The following TRAPPC10 variants were observed in gnomAD, a reference collection of about 807,000 sequenced individuals.
TRAPPC10 encodes the protein TRAPP 130 kDa subunit.
A neutral mutation model predicts 125.5 loss-of-function variants in TRAPPC10; 23 were observed. The ratio of observed to expected loss-of-function variants is 0.18; its 90% confidence interval spans 0.13 to 0.26. The LOEUF (loss-of-function observed/expected upper bound fraction) is 0.26. Ranked by LOEUF, TRAPPC10 falls within the 10% of genes least tolerant of loss-of-function variation. The pLI is 1.00. For missense variants in TRAPPC10, 1,123 were observed against 1,308.4 expected (o/e 0.86, Z 2.19); for synonymous variants, 509 against 518.0 (o/e 0.98, Z 0.24).
intron 3 of TRAPPC10, among the ~76,000 whole-genome samples, chr21:44,041,953 T>G (rs2034453792): frequency 6.6e-6 from 1 of 152,102 alleles, no homozygotes; most frequent in Non-Finnish European, 1.5e-5. Context: ...CTCAAACTCC[T>G]GACATCAGGC....
At chr21:44,093,931 C>T (rs979932896) in intron 19 of TRAPPC10, 132 bp from the exon 20 acceptor site, 20 of 886,352 alleles carry the variant, frequency 2.3e-5, no homozygotes, top group East Asian at 7.6e-5. Flanking sequence ...CATGCATAGG[C>T]GTGCTGTGAG....
Position 44,084,139 on chromosome 21 carries a change from G to C in TRAPPC10, c.2256G>C (p.Thr752=), listed in dbSNP as rs753808393. 1.2e-6 allele frequency: 2 copies of C among 1,614,186 alleles called. No homozygotes were observed. The highest frequency in any genetic ancestry group is 1.7e-6 in the Non-Finnish European group (2 of 1,180,038). The change falls in exon 15 of 23, where the codon ACG becomes ACC. Residue 752 remains threonine, a synonymous_variant. Coordinates refer to ENST00000291574, the MANE Select transcript of TRAPPC10 (RefSeq NM_003274.5). ...TFRTQAKEPG[T]YTLRQLCASV... is the part of the protein sequence containing the mutation. ...GACTCTAGGCCAAGGAACCTGGAACGTATACACTCAGGCAGCTGTGCGCCT... is the reference window on the plus strand; with the variant it reads ...GACTCTAGGCCAAGGAACCTGGAACCTATACACTCAGGCAGCTGTGCGCCT...
At chr21:44,032,569 GAC>G (rs1158617783) in intron 2 of TRAPPC10, among the ~76,000 whole-genome samples, 1 of 152,020 alleles carries the variant, frequency 6.6e-6, no homozygotes, top group African/African-American at 2.4e-5. Flanking sequence ...TTTTAGTAGA[GAC>G]AGGTTTTGCC....
rs1263683782 is a variant in TRAPPC10 at position 44,037,343 on chromosome 21, A to G, written c.150-449A>G. 8.5e-5 allele frequency among the ~76,000 whole-genome samples: 13 copies of G among 152,368 alleles called. No homozygotes were observed. In the East Asian group the frequency reaches 1.9e-3, roughly 23 times the overall value. ...ACAAAAATATGTTATATTTTCGCCA[A>G]ATAACTTTGTTTCTTGGATAAAATA... On this transcript the variant is annotated intron_variant, in intron 2 of 22. Transcript: ENST00000291574.
intron 2 of TRAPPC10, among the ~76,000 whole-genome samples, chr21:44,035,567 T>C (rs754366076): frequency 2.0e-5 from 3 of 152,028 alleles, no homozygotes; most frequent in African/African-American, 7.2e-5. Flanking sequence ...GGCGGGTAGA[T>C]TGGAGTTTAA....
At chr21:44,019,907 T>G (rs2032306802) in intron 1 of TRAPPC10, among the ~76,000 whole-genome samples, 1 of 152,248 alleles carries the variant, frequency 6.6e-6, no homozygotes, top group South Asian at 2.1e-4. Context: ...TCTTGACATT[T>G]GGGCTTCTGG....
rs564292791 is a variant in TRAPPC10 at position 44,016,278 on chromosome 21, TG to T, written c.67+3721del. Among the ~76,000 whole-genome samples the T allele has an allele frequency of 4.6e-3, 701 of 152,344 alleles. 4 individuals carry two copies. Among genetic ancestry groups the T allele is most frequent in the Non-Finnish European group, 6.2e-3 (420 of 68,030 alleles). ...TCAGTTTTCTGTTTTGAAATAGACT[TG>T]GGTTTCTGTTCCAAGGGTGTATTAG... is the stretch of plus-strand genomic sequence containing the variant. On this transcript the variant is annotated intron_variant, in intron 1 of 22. Transcript: ENST00000291574.
rs533495254 is a variant in TRAPPC10, at chr21:44,062,918, A to G, written c.791-620A>G. 4.8e-6 allele frequency: 6 copies of G among 1,249,974 alleles called. No individual in the cohort carries two copies. The Admixed American group carries it at 1.2e-4, about 25-fold the overall frequency. The allele number at this position is 1,249,974 out of a possible 1,614,324, so 77.4% of individuals were successfully genotyped here. On this transcript the variant is annotated intron_variant, in intron 6 of 22. Coordinates refer to ENST00000291574, the MANE Select transcript of TRAPPC10 (RefSeq NM_003274.5). ...GATGGACTTGTTATTATACATTGTT[A>G]TGCTTATTTTAAGATCATATTTGAG...
intron 14 of TRAPPC10, 97 bp from the exon 15 acceptor site, chr21:44,084,025 T>G: frequency 1.4e-6 from 2 of 1,436,482 alleles, no homozygotes; most frequent in Admixed American, 3.8e-5. Context: ...GTACAGGCCT[T>G]TCTGGAGTTC....
chr21:44,079,378 A>G (rs1410353945), intron 11 of TRAPPC10, 186 bp from the exon 12 acceptor site: 3 of 554,938 alleles, frequency 5.4e-6, no homozygotes, highest in Non-Finnish European at 6.1e-6. Flanking sequence ...CTGGGAGTCT[A>G]ATTATGTCGT....
chr21:44,063,465 C>T lies in TRAPPC10; in HGVS notation c.791-73C>T, dbSNP rs558704746. On this transcript the variant is annotated intron_variant, in intron 6 of 22. Coordinates refer to ENST00000291574, the MANE Select transcript of TRAPPC10 (RefSeq NM_003274.5). This position sits in a 1 kb window ranked among gnomAD's most constrained non-coding sequence, Gnocchi z 4.4. The stretch of plus-strand genomic sequence containing the variant: ...TGAAGCTGCCTGTTTGCCCACCATC[C>T]TCAGCCTGAGCAGGAAGCTCAGGAA... 8.3e-6 allele frequency: 13 copies of T among 1,569,724 alleles called. No homozygotes were observed. The South Asian group carries it at 1.2e-4, about 15-fold the overall frequency.
In TRAPPC10 at chr21:44,088,045, C is replaced by T. The variant is rs920013265; in HGVS notation, c.2769+117C>T. ...CCTGGCTCCTTCTGATTCCCGATGC[C>T]CTGGGCATGTGTTTAGCAGTTCTGT... On this transcript the variant is annotated intron_variant, in intron 17 of 22. Transcript: ENST00000291574. 4.6e-5 allele frequency: 40 copies of T among 868,332 alleles called. No homozygotes were observed. In the South Asian group the frequency reaches 5.8e-4, roughly 13 times the overall value. The allele number at this position is 868,332 out of a possible 1,614,324, so 53.8% of individuals were successfully genotyped here. A position where few individuals can be genotyped will look rare whatever the true frequency, so the allele number is the denominator to read the frequency against.
chr21:44,015,388 A>G (rs2031704601), intron 1 of TRAPPC10, among the ~76,000 whole-genome samples: 1 of 152,148 alleles, frequency 6.6e-6, no homozygotes, highest in Non-Finnish European at 1.5e-5. Flanking sequence ...TTATTACTTT[A>G]AAACCTAGCT....
At chr21:44,089,510 C>G (rs753065736) in intron 17 of TRAPPC10, 1 of 485,044 alleles carries the variant, frequency 2.1e-6, no homozygotes, top group Non-Finnish European at 4.1e-6. Flanking sequence ...CATGGCTCCG[C>G]GGCCCTGCGT....
intron 3 of TRAPPC10, among the ~76,000 whole-genome samples, chr21:44,044,853 TG>T (rs1555934430): frequency 6.6e-6 from 1 of 151,738 alleles, no homozygotes; most frequent in Non-Finnish European, 1.5e-5. Context: ...TTAGTAGAGA[TG>T]GGGTTTCTGC....
intron 1 of TRAPPC10, among the ~76,000 whole-genome samples, chr21:44,030,795 C>A (rs1569149123): frequency 6.6e-6 from 1 of 152,084 alleles, no homozygotes; most frequent in Non-Finnish European, 1.5e-5. Flanking sequence ...AGATGACTAC[C>A]AAATAAATGA....
In TRAPPC10 at chr21:44,083,032, C is replaced by T. The variant is rs1164103354; in HGVS notation, c.1968C>T (p.Asn656=). 1 of 1,614,156 alleles carries T rather than the reference C, an allele frequency of 6.2e-7. No homozygotes were observed. Among genetic ancestry groups the T allele is most frequent in the Admixed American group, 1.7e-5 (1 of 60,022 alleles). The change falls in exon 14 of 23, where the codon AAC becomes AAT. Residue 656 remains asparagine (N), a synonymous_variant. Transcript: ENST00000291574. ...ACAAGACGTCCAATGGGATCATTAA[C>T]TTTCCACCCGAGACCGCACCTTTCC... ...TKHKTSNGII[N]FPPETAPFPV...
chr21:44,078,803 C>T (rs997979390), intron 11 of TRAPPC10, among the ~76,000 whole-genome samples: 9 of 152,182 alleles, frequency 5.9e-5, no homozygotes, highest in Non-Finnish European at 1.0e-4. Context: ...TAAAGGCAGG[C>T]AAGGCCGCAC....
chr21:44,017,671 A>AG (rs2032021875), intron 1 of TRAPPC10, among the ~76,000 whole-genome samples: 1 of 152,036 alleles, frequency 6.6e-6, no homozygotes, highest in Non-Finnish European at 1.5e-5. Context: ...CGTGGGGGGC[A>AG]GGCCCTGCGG....
Sources: gnomAD v4.1 joint callset for allele counts (sites outside exome capture counted in the v4.1 genomes callset) on GRCh38, gnomAD v4.1.1 for gene constraint, Gnocchi (gnomAD v3.1) non-coding constraint, MANE v1.5 for transcripts, NCBI Gene and HGNC (gene_info 2026-07-23, HGNC 2026-07-21) for gene names.